FAM186A: variants seen among roughly 807,000 people sequenced by gnomAD.
FAM186A encodes the protein family with sequence similarity 186 member A.
A neutral mutation model predicts 216.8 loss-of-function variants in FAM186A; 163 were observed. The observed-to-expected ratio is 0.75, with a 90% CI of 0.66 to 0.86. FAM186A has a LOEUF of 0.86. FAM186A is among the 40% of genes least tolerant of loss of function. The pLI, the probability that FAM186A is intolerant of heterozygous loss-of-function variation, is 0.00. For missense variants in FAM186A, 2,184 were observed against 2,746.2 expected (o/e 0.80, Z 4.58); for synonymous variants, 805 against 1,025.3 (o/e 0.79, Z 4.10).
intron 1 of FAM186A, among the ~76,000 whole-genome samples, chr12:50,378,283 C>A (rs1442646174): frequency 1.3e-5 from 2 of 151,282 alleles, no homozygotes; most frequent in Non-Finnish European, 2.9e-5. Flanking sequence ...GTAATCCCAA[C>A]ACTTTGGGAG....
At chr12:50,368,076 C>G (rs1943107759) in intron 1 of FAM186A, among the ~76,000 whole-genome samples, 1 of 150,996 alleles carries the variant, frequency 6.6e-6, no homozygotes, top group Non-Finnish European at 1.5e-5. Context: ...ACCTGGGAGG[C>G]AGAGGTTGCA....
Position 50,350,542 on chromosome 12 carries a change from G to A in FAM186A, c.6290C>T (p.Pro2097Leu). 6.4e-7 allele frequency: 1 copy of A among 1,551,636 alleles called. No individual in the cohort carries two copies. Among genetic ancestry groups the A allele is most frequent in the South Asian group, 1.2e-5 (1 of 84,054 alleles). Residue 2097 changes from proline (P) to leucine (L), a missense_variant, in exon 4 of 8, where the codon CCT becomes CTT. Physicochemically the swap from Pro to Leu is moderately conservative, Grantham distance 98. This residue lies in a region of FAM186A where 721 missense variants were observed against 816.4 expected (regional missense o/e 0.88). Transcript: ENST00000327337. Reference protein sequence around the residue: ...KPKVMVPPSSPQELEEKRYFV... With the variant: ...KPKVMVPPSSLQELEEKRYFV... ...ATACCTCTTTTCTTCAAGTTCTTGA[G>A]GAGAGGAAGGGGGCACCATTACTTT...
chr12:50,355,751 A>G lies in FAM186A; in HGVS notation c.1081T>C (p.Ser361Pro), dbSNP rs2136094412. 1.9e-6 allele frequency: 3 copies of G among 1,551,644 alleles called. No homozygotes were observed. Among genetic ancestry groups the G allele is most frequent in the Non-Finnish European group, 2.6e-6 (3 of 1,146,982 alleles). ...TCACCAACTTTGATTATCGCCCTGG[A>G]TGACTGTGGAGAAGGTCCAGGTAAC... ...KVLPGPSPQS[S>P]RAIIKVGDTE... Residue 361 changes from serine (S) to proline (P), a missense_variant, in exon 4 of 8, where the codon TCC becomes CCC. Around this residue, in one of 7 missense-constraint regions of FAM186A, gnomAD observed 1,132 missense variants for 1,263.4 expected, o/e 0.90. Transcript: ENST00000327337.
chr12:50,355,272 TG>T lies in FAM186A; in HGVS notation c.1559del (p.Ala520GlufsTer8). ...SEDKSKSPTE[A>X]KRKHLSLTET... ...CAGTTAAAGAGAGATGTTTTCTTTT[TG>T]CTTCAGTGGGTGACTTTGATTTATC... On this transcript the variant is annotated frameshift_variant, in exon 4 of 8. Coordinates refer to ENST00000327337, the MANE Select transcript of FAM186A (RefSeq NM_001145475.3). LOFTEE classifies it high-confidence loss of function. 6.4e-7 allele frequency: 1 copy of T among 1,551,568 alleles called. No individual in the cohort carries two copies. The highest frequency in any genetic ancestry group is 8.7e-7 in the Non-Finnish European group (1 of 1,146,972).
chr12:50,380,692 T>TAA, intron 1 of FAM186A, among the ~76,000 whole-genome samples: 1 of 138,574 alleles, frequency 7.2e-6, no homozygotes, highest in South Asian at 2.3e-4. Context: ...TGAGACTGTC[T>TAA]AAAAAAAAAA....
Position 50,333,909 on chromosome 12 carries a change from AC to A in FAM186A, c.6696+1del. The A allele has an allele frequency of 6.5e-7, 1 of 1,549,846 alleles. No homozygotes were observed. The highest frequency in any genetic ancestry group is 1.2e-5 in the South Asian group (1 of 83,552). ...GGACAGAGGGAGTGGAAAGCAGGTTACCTGGTTGAATACGTGTATCATTTTC... is the reference window on the plus strand; with the variant it reads ...GGACAGAGGGAGTGGAAAGCAGGTTACTGGTTGAATACGTGTATCATTTTC... On this transcript the variant is annotated splice_donor_variant, in intron 5 of 7. Coordinates refer to ENST00000327337, the MANE Select transcript of FAM186A (RefSeq NM_001145475.3). LOFTEE classifies it high-confidence loss of function.
chr12:50,337,889 C>A (rs12578721), intron 4 of FAM186A, among the ~76,000 whole-genome samples: 1 of 136,920 alleles, frequency 7.3e-6, no homozygotes, highest in Admixed American at 7.5e-5. Flanking sequence ...AGCAAGACTT[C>A]GTCTAAAAAC....
chr12:50,370,545 C>A (rs1199445102), intron 1 of FAM186A, among the ~76,000 whole-genome samples: 1 of 152,038 alleles, frequency 6.6e-6, no homozygotes, highest in East Asian at 1.9e-4. Flanking sequence ...CTGTGCACTG[C>A]TGGTAGGAAT....
At chr12:50,356,716 G>A (rs1329244214) in intron 3 of FAM186A, among the ~76,000 whole-genome samples, 1 of 152,192 alleles carries the variant, frequency 6.6e-6, no homozygotes, top group Non-Finnish European at 1.5e-5. Flanking sequence ...TCTAAGACAA[G>A]GCCAGGGCTT....
chr12:50,385,162 G>A lies in FAM186A; in HGVS notation c.192+11131C>T, dbSNP rs532898214. Among the ~76,000 whole-genome samples the A allele has an allele frequency of 2.5e-4, 38 of 149,366 alleles. No homozygotes were observed. In the South Asian group the frequency reaches 4.9e-3, roughly 19 times the overall value. On this transcript the variant is annotated intron_variant, in intron 1 of 7. Transcript: ENST00000327337. ...TGGCCTGGCGTGGTGGCTCATGCCT[G>A]TAATCCCAGCACTTTGGGAGGCCGA...
rs71083560 is a variant in FAM186A, at chr12:50,392,929, C to CT, written c.192+3363dup. ...CCCAGCCAGTATCAATACTTGTATA[C>CT]TTTTTTTTTTTTTTTGAGGCGGAGT... is the stretch of plus-strand genomic sequence containing the variant. On this transcript the variant is annotated intron_variant, in intron 1 of 7. Coordinates refer to ENST00000327337, the MANE Select transcript of FAM186A (RefSeq NM_001145475.3). Among the ~76,000 whole-genome samples, 152 of 128,732 alleles carry CT rather than the reference C, an allele frequency of 1.2e-3. 2 individuals are homozygous for CT. Among genetic ancestry groups the CT allele is most frequent in the African/African-American group, 4.1e-3 (141 of 34,694 alleles). 84.5% of individuals were successfully genotyped at this position (128,732 alleles called of 152,430 possible).
intron 1 of FAM186A, among the ~76,000 whole-genome samples, chr12:50,387,562 C>A (rs77183280): frequency 0.018 from 2,723 of 152,240 alleles, 59 homozygotes; most frequent in East Asian, 0.086. Flanking sequence ...TATAGTGTGG[C>A]TTGAGGAGCT....
Position 50,354,030 on chromosome 12 carries a change from T to C in FAM186A, c.2802A>G (p.Thr934=). 6.4e-7 allele frequency: 1 copy of C among 1,551,766 alleles called. No homozygotes were observed. Among genetic ancestry groups the C allele is most frequent in the Non-Finnish European group, 8.7e-7 (1 of 1,147,018 alleles). The change falls in exon 4 of 8, where the codon ACA becomes ACG. Residue 934 remains threonine (T), a synonymous_variant. Transcript: ENST00000327337. ...TCTCCTTTTCCAAGAGCAACCCTTG[T>C]GTTTTCATTTTTTGGGTCCCTTCTT... ...RLEEGTQKMK[T]QGLLLEKENG...
At chr12:50,328,854 G>C (rs1029965116) in intron 7 of FAM186A, among the ~76,000 whole-genome samples, 2 of 152,176 alleles carry the variant, frequency 1.3e-5, no homozygotes, top group African/African-American at 4.8e-5. Context: ...GGTGGCTCAC[G>C]CCTGTAATCC....
chr12:50,377,782 C>T (rs1044921309), intron 1 of FAM186A, among the ~76,000 whole-genome samples: 6 of 150,010 alleles, frequency 4.0e-5, no homozygotes, highest in Admixed American at 2.7e-4. Flanking sequence ...TTTCAGTGAG[C>T]CAAGATCGTG....
Position 50,351,124 on chromosome 12 carries a change from G to A in FAM186A, c.5708C>T (p.Pro1903Leu). 1 of 1,551,572 alleles carries A rather than the reference G, an allele frequency of 6.4e-7. No homozygotes were observed. Among genetic ancestry groups the A allele is most frequent in the Non-Finnish European group, 8.7e-7 (1 of 1,146,990 alleles). The change falls in exon 4 of 8, where the codon CCT becomes CTT. Residue 1903 changes from proline to leucine, a missense_variant. By Grantham distance (98) the Pro-to-Leu change is moderately conservative. This residue lies in a region of FAM186A where 721 missense variants were observed against 816.4 expected (regional missense o/e 0.88). Coordinates refer to ENST00000327337, the MANE Select transcript of FAM186A (RefSeq NM_001145475.3). ...TAEQSPYLQA[P>L]STPGQHLATW... Reference sequence around the variant, plus strand: ...TGCCAGATGCTGCCCAGGGGTAGAAGGAGCCTGCAGATAGGGAGATTGCTC... The same window carrying A: ...TGCCAGATGCTGCCCAGGGGTAGAAAGAGCCTGCAGATAGGGAGATTGCTC...
chr12:50,348,635 C>T (rs187193854), intron 4 of FAM186A, among the ~76,000 whole-genome samples: 12 of 152,242 alleles, frequency 7.9e-5, no homozygotes, highest in Non-Finnish European at 1.6e-4. Context: ...TCTCGGCTCA[C>T]TGCAAGCTCT....
At chr12:50,335,113 T>G (rs768460262) in intron 4 of FAM186A, among the ~76,000 whole-genome samples, 1 of 151,844 alleles carries the variant, frequency 6.6e-6, no homozygotes, top group Non-Finnish European at 1.5e-5. Context: ...TAAAAATAGC[T>G]GGGCATGGTG....
chr12:50,373,044 A>G (rs1042515905), intron 1 of FAM186A, among the ~76,000 whole-genome samples: 1 of 150,142 alleles, frequency 6.7e-6, no homozygotes, highest in African/African-American at 2.4e-5. Flanking sequence ...AGAAAGAAAG[A>G]AAGAAAGAAA....
Sources: gnomAD v4.1 joint callset for allele counts (sites outside exome capture counted in the v4.1 genomes callset) on GRCh38, gnomAD v4.1.1 for gene constraint, gnomAD v4.1.1 regional missense constraint, MANE v1.5 for transcripts, NCBI Gene and HGNC (gene_info 2026-07-23, HGNC 2026-07-21) for gene names.